The following HDAC2 variants were observed in gnomAD, a reference collection of about 807,000 sequenced individuals.
HDAC2 encodes the protein histone deacetylase 2, also known as YY1-associated factor 1.
In HDAC2, 5 loss-of-function variants were observed where a neutral mutation model predicts 68.5. The ratio of observed to expected loss-of-function variants is 0.07; its 90% CI spans 0.04 to 0.15. The LOEUF is 0.15. HDAC2 is among the 10% of genes least tolerant of loss of function. The pLI is 1.00. For synonymous variants in HDAC2, 182 were observed against 191.3 expected (o/e 0.95, Z 0.40); for missense variants, 291 against 600.8 (o/e 0.48, Z 5.39).
At chr6:113,956,963 TACA>T (rs1282282923) in intron 3 of HDAC2, 3 of 302,656 alleles carry the variant, frequency 9.9e-6, no homozygotes, top group Non-Finnish European at 6.1e-6. Context: ...GTTGTCTAAG[TACA>T]ACAATTCTTA....
chr6:113,951,470 C>CT (rs10715453), intron 6 of HDAC2, among the ~76,000 whole-genome samples: 264 of 117,192 alleles, frequency 2.3e-3, no homozygotes, highest in Non-Finnish European at 3.4e-3. Flanking sequence ...ACTGTAAAAT[C>CT]TTTTTTTTTT....
rs1015415654 is a variant in HDAC2, at chr6:113,933,270, C to G, written c.*7788G>C. 1 of 152,190 alleles carries G rather than the reference C, an allele frequency of 6.6e-6. No individual in the cohort carries two copies. The highest frequency in any genetic ancestry group is 1.5e-5 in the Non-Finnish European group (1 of 68,032). The allele number at this position is 152,190 out of a possible 1,614,324, so 9.4% of individuals were successfully genotyped here. A position where few individuals can be genotyped will look rare whatever the true frequency, so the allele number is the denominator to read the frequency against. On this transcript the variant is annotated 3_prime_UTR_variant, in exon 14 of 14. Transcript: ENST00000519065. ...GGTGCACTGAGAACACAGCATCATTCCTGTGATATTCTTGCCCAAAACATG... is the reference window on the plus strand; with the variant it reads ...GGTGCACTGAGAACACAGCATCATTGCTGTGATATTCTTGCCCAAAACATG...
Position 113,938,443 on chromosome 6 carries a change from A to G in HDAC2, c.*2615T>C, listed in dbSNP as rs911769879. The G allele has an allele frequency of 3.3e-5, 5 of 151,910 alleles. No individual in the cohort carries two copies. The highest frequency in any genetic ancestry group is 1.9e-4 in the East Asian group (1 of 5,180). 9.4% of individuals were successfully genotyped at this position (151,910 alleles called of 1,614,324 possible). On this transcript the variant is annotated 3_prime_UTR_variant, in exon 14 of 14. Transcript: ENST00000519065. ...ACTAATTTTTTTTTTGTTATCAAAT[A>G]TATCTTTTATAGTTGAGTTTGGTGT...
intron 2 of HDAC2, chr6:113,959,662 C>A: frequency 4.1e-6 from 1 of 244,064 alleles, no homozygotes; most frequent in Non-Finnish European, 7.7e-6. Context: ...CTGAGTTGTT[C>A]TCCAGAACCA....
At position 113,970,874 on chromosome 6, in the gene HDAC2, A is replaced by G; in HGVS notation, c.35T>C (p.Val12Ala). Reference sequence around the variant, plus strand: ...CCGCTCACCGTCGTAGTAGTAGCAGACTTTTTTTTTGCCGCCTCCTTGACT... The same window carrying G: ...CCGCTCACCGTCGTAGTAGTAGCAGGCTTTTTTTTTGCCGCCTCCTTGACT... ...AYSQGGGKKK[V>A]CYYYDGDIGN... Residue 12 changes from valine (V) to alanine (A), a missense_variant, in exon 1 of 14, where the codon GTC becomes GCC. This residue lies in a region of HDAC2 where 154 missense variants were observed against 472.1 expected (regional missense o/e 0.33). Transcript: ENST00000519065. 1 of 1,543,924 alleles carries G rather than the reference A, an allele frequency of 6.5e-7. No individual in the cohort carries two copies. The highest frequency in any genetic ancestry group is 1.2e-5 in the South Asian group (1 of 84,014).
Position 113,933,758 on chromosome 6 carries a change from T to G in HDAC2, c.*7300A>C, listed in dbSNP as rs920914735. ...CCTTGTCTGACATTCTTTGTGTGTGTGTATGTATATTATATAATATACATA... is the reference window on the plus strand; with the variant it reads ...CCTTGTCTGACATTCTTTGTGTGTGGGTATGTATATTATATAATATACATA... On this transcript the variant is annotated 3_prime_UTR_variant, in exon 14 of 14. Coordinates refer to ENST00000519065, the MANE Select transcript of HDAC2 (RefSeq NM_001527.4). The G allele has an allele frequency of 7.2e-5, 11 of 151,910 alleles. No individual in the cohort carries two copies. Among genetic ancestry groups the G allele is most frequent in the Non-Finnish European group, 1.2e-4 (8 of 67,984 alleles). 9.4% of individuals were successfully genotyped at this position (151,910 alleles called of 1,614,324 possible). A position where few individuals can be genotyped will look rare whatever the true frequency, so the allele number is the denominator to read the frequency against.
rs1459548017 is a variant in HDAC2 at position 113,934,847 on chromosome 6, A to G, written c.*6211T>C. 1 of 152,238 alleles carries G rather than the reference A, an allele frequency of 6.6e-6. No individual in the cohort carries two copies. Among genetic ancestry groups the G allele is most frequent in the Non-Finnish European group, 1.5e-5 (1 of 68,044 alleles). The allele number at this position is 152,238 out of a possible 1,614,324, so 9.4% of individuals were successfully genotyped here. On this transcript the variant is annotated 3_prime_UTR_variant, in exon 14 of 14. Transcript: ENST00000519065. ...ATACAAGTAAATGTGTTTGACAATA[A>G]CAATGCTTATTTGATTGTTGGGGAA... is the stretch of plus-strand genomic sequence containing the variant.
Position 113,939,553 on chromosome 6 carries a change from G to A in HDAC2, c.*1505C>T, listed in dbSNP as rs1229606575. The A allele has an allele frequency of 2.6e-5, 4 of 152,140 alleles. No homozygotes were observed. Among genetic ancestry groups the A allele is most frequent in the Admixed American group, 2.6e-4 (4 of 15,274 alleles). The allele number at this position is 152,140 out of a possible 1,614,324, so 9.4% of individuals were successfully genotyped here. On this transcript the variant is annotated 3_prime_UTR_variant, in exon 14 of 14. Transcript: ENST00000519065. Reference sequence around the variant, plus strand: ...ATTATCCCCCTAACGAAGGGACTAAGTTTCTTAGTTCCTAATGTCATAAAG... The same window carrying A: ...ATTATCCCCCTAACGAAGGGACTAAATTTCTTAGTTCCTAATGTCATAAAG...
chr6:113,950,632 G>C lies in HDAC2; in HGVS notation c.640-1372C>G, dbSNP rs993306590. On this transcript the variant is annotated intron_variant, in intron 6 of 13. Transcript: ENST00000519065. ...GCTGGTCTCGAACTCTCGACCTCAGGTAATCCACTCGCCTCAGCCTCCCAA... is the reference window on the plus strand; with the variant it reads ...GCTGGTCTCGAACTCTCGACCTCAGCTAATCCACTCGCCTCAGCCTCCCAA... 9.5e-5 allele frequency among the ~76,000 whole-genome samples: 14 copies of C among 146,974 alleles called. No homozygotes were observed. The Admixed American group carries it at 9.8e-4, about 10-fold the overall frequency.
At chr6:113,956,545 T>C in intron 4 of HDAC2, 74 bp downstream of exon 4, 1 of 1,028,788 alleles carries the variant, frequency 9.7e-7, no homozygotes, top group East Asian at 2.4e-5. Flanking sequence ...AAAACTTCTG[T>C]TTTACACAAA....
chr6:113,947,776 G>A (rs1030519429), intron 8 of HDAC2: 1 of 152,016 alleles, frequency 6.6e-6, no homozygotes, highest in African/African-American at 2.4e-5. Flanking sequence ...TAGAATAACA[G>A]ATTATACCAT....
At chr6:113,962,409 T>A in intron 1 of HDAC2, 1 of 796,468 alleles carries the variant, frequency 1.3e-6, no homozygotes, top group Non-Finnish European at 1.5e-6. Context: ...AAAAAAGACA[T>A]AATATGAAAT....
At chr6:113,967,185 A>G (rs1326733606) in intron 1 of HDAC2, among the ~76,000 whole-genome samples, 2 of 151,962 alleles carry the variant, frequency 1.3e-5, no homozygotes, top group Admixed American at 6.6e-5. Context: ...CTTGTTGCCC[A>G]TGGCACTATC....
chr6:113,970,835 C>A (rs916962532), intron 1 of HDAC2, 22 bp downstream of exon 1: 6 of 1,534,544 alleles, frequency 3.9e-6, no homozygotes, highest in Admixed American at 3.9e-5. Flanking sequence ...GCGCCCACCC[C>A]GACACCGGCC....
In HDAC2 at chr6:113,935,362, GCTCT is replaced by G. The variant is rs965403500; in HGVS notation, c.*5692_*5695del. ...TAAGTACAGCCAGTTTTGATAATGT[GCTCT>G]CTTTTACTTTAGGAATTGCCTGTCC... is the stretch of plus-strand genomic sequence containing the variant. On this transcript the variant is annotated 3_prime_UTR_variant, in exon 14 of 14. Coordinates refer to ENST00000519065, the MANE Select transcript of HDAC2 (RefSeq NM_001527.4). 2 of 152,136 alleles carry G rather than the reference GCTCT, an allele frequency of 1.3e-5. No individual in the cohort carries two copies. The highest frequency in any genetic ancestry group is 2.9e-5 in the Non-Finnish European group (2 of 68,034). The allele number at this position is 152,136 out of a possible 1,614,324, so 9.4% of individuals were successfully genotyped here.
chr6:113,961,556 C>T lies in HDAC2; in HGVS notation c.53-1538G>A, dbSNP rs187618938. Among the ~76,000 whole-genome samples, 164 of 152,258 alleles carry T rather than the reference C, an allele frequency of 1.1e-3. 1 individual carries two copies. The highest frequency in any genetic ancestry group is 1.9e-3 in the Non-Finnish European group (130 of 67,992). On this transcript the variant is annotated intron_variant, in intron 1 of 13. Transcript: ENST00000519065. Reference sequence around the variant, plus strand: ...CATGGCCCTTTGCAACATTCCTCTGCAATTATAATTAAGAGGCTATGATTG... The same window carrying T: ...CATGGCCCTTTGCAACATTCCTCTGTAATTATAATTAAGAGGCTATGATTG...
At chr6:113,956,853 T>A (rs1346413352) in intron 3 of HDAC2, 160 bp from the exon 4 acceptor site, 1 of 572,674 alleles carries the variant, frequency 1.7e-6, no homozygotes, top group Non-Finnish European at 3.1e-6. Context: ...AATATATTTA[T>A]TGTTTTATCC....
At chr6:113,941,127 A>G (rs765968653) in intron 13 of HDAC2, 39 bp from the exon 14 acceptor site, 1 of 1,568,336 alleles carries the variant, frequency 6.4e-7, no homozygotes. Context: ...AAAATGGCAC[A>G]ATCTTGGTTT....
chr6:113,940,895 A>G lies in HDAC2; in HGVS notation c.*163T>C, dbSNP rs1582474521. ...TTGCTTCATAATTAGAAAAACTCAC[A>G]ATAAAACTTGCCAAGAAAAACAAAA... On this transcript the variant is annotated 3_prime_UTR_variant, in exon 14 of 14. Coordinates refer to ENST00000519065, the MANE Select transcript of HDAC2 (RefSeq NM_001527.4). 2.0e-6 allele frequency: 1 copy of G among 511,048 alleles called. No individual in the cohort carries two copies. The highest frequency in any genetic ancestry group is 3.4e-6 in the Non-Finnish European group (1 of 293,806). The allele number at this position is 511,048 out of a possible 1,614,324, so 31.7% of individuals were successfully genotyped here.
Sources: gnomAD v4.1 joint callset for allele counts (sites outside exome capture counted in the v4.1 genomes callset) on GRCh38, gnomAD v4.1.1 for gene constraint, gnomAD v4.1.1 regional missense constraint, MANE v1.5 for transcripts, NCBI Gene and HGNC (gene_info 2026-07-23, HGNC 2026-07-21) for gene names.